The following BUB1 variants were observed in gnomAD, a reference collection of about 807,000 sequenced individuals.
The protein encoded by BUB1 is BUB1 mitotic checkpoint serine/threonine kinase.
Under a neutral mutation model 135.2 loss-of-function variants are expected in BUB1, and 84 were observed. That is an observed-to-expected ratio of 0.62 (90% confidence interval 0.52 to 0.74). The LOEUF (loss-of-function observed/expected upper bound fraction) is 0.74, where lower values mean the gene tolerates loss of function less well. BUB1 is among the 30% of genes least tolerant of loss of function. BUB1 has a pLI of 0.00. For missense variants in BUB1, 1,162 were observed against 1,288.3 expected (o/e 0.90, Z 1.50); for synonymous variants, 403 against 434.4 (o/e 0.93, Z 0.90).
chr2:110,650,183 G>GT lies in BUB1; in HGVS notation c.2203+362dup, dbSNP rs991598369. Reference sequence around the variant, plus strand: ...GTGCTCTTAACCACTATGCCAGACTGTTTATGTGTAACAAGGGGGTGGGCG... The same window carrying GT: ...GTGCTCTTAACCACTATGCCAGACTGTTTTATGTGTAACAAGGGGGTGGGCG... On this transcript the variant is annotated intron_variant, in intron 18 of 24. Transcript: ENST00000302759. Among the ~76,000 whole-genome samples, 5 of 96,052 alleles carry GT rather than the reference G, an allele frequency of 5.2e-5. No homozygotes were observed. In the Admixed American group the frequency reaches 7.0e-4, roughly 13 times the overall value. 63.0% of individuals were successfully genotyped at this position (96,052 alleles called of 152,430 possible). A position where few individuals can be genotyped will look rare whatever the true frequency, so the allele number is the denominator to read the frequency against.
chr2:110,669,293 G>C (rs1488175753), intron 6 of BUB1, among the ~76,000 whole-genome samples, 160 bp downstream of exon 6: 1 of 152,136 alleles, frequency 6.6e-6, no homozygotes, highest in Non-Finnish European at 1.5e-5. Flanking sequence ...AGAATAACAG[G>C]CCCAGGAAGT....
At chr2:110,657,889 C>G (rs182973352) in intron 13 of BUB1, among the ~76,000 whole-genome samples, 129 of 152,336 alleles carry the variant, frequency 8.5e-4, no homozygotes, top group African/African-American at 2.9e-3. Context: ...GTTAATCATT[C>G]TCCTAAATCA....
At chr2:110,674,639 T>A (rs1690523105) in intron 1 of BUB1, among the ~76,000 whole-genome samples, 1 of 151,696 alleles carries the variant, frequency 6.6e-6, no homozygotes, top group African/African-American at 2.4e-5. Flanking sequence ...TCCCCAAGAG[T>A]CTCCTTCTCC....
At chr2:110,667,393 T>C (rs1046562849) in intron 8 of BUB1, 128 bp downstream of exon 8, 7 of 1,018,822 alleles carry the variant, frequency 6.9e-6, no homozygotes, top group South Asian at 5.6e-5. Context: ...GGGCTTCTGA[T>C]AGGATGAGAT....
intron 9 of BUB1, chr2:110,665,873 C>G (rs997750842): frequency 6.4e-6 from 1 of 157,054 alleles, no homozygotes; most frequent in African/African-American, 2.4e-5. Context: ...ATATGTGGCT[C>G]TAACACACTC....
Position 110,657,123 on chromosome 2 carries a change from G to T in BUB1, c.1617-6C>A, listed in dbSNP as rs769473879. The T allele has an allele frequency of 5.6e-6, 9 of 1,607,332 alleles. No individual in the cohort carries two copies. The South Asian group carries it at 1.0e-4, about 18-fold the overall frequency. On this transcript the variant is annotated splice_region_variant and splice_polypyrimidine_tract_variant and intron_variant, in intron 14 of 24. Transcript: ENST00000302759. ...TATTTTTAGGCTGTGGTAATCTAAGGAAAGATTTGCTAAATTATAAATAGT... is the reference window on the plus strand; with the variant it reads ...TATTTTTAGGCTGTGGTAATCTAAGTAAAGATTTGCTAAATTATAAATAGT...
chr2:110,641,309 G>C lies in BUB1; in HGVS notation c.2781C>G (p.Asn927Lys), dbSNP rs546139108. The change falls in exon 22 of 25, where the codon AAC becomes AAG. Residue 927 changes from asparagine (N) to lysine (K), a missense_variant and splice_region_variant. Coordinates refer to ENST00000302759, the MANE Select transcript of BUB1 (RefSeq NM_004336.5). ...CCTGTTAAAAGCATAACACTTGCCC[G>C]TTTCCAAGTATGAAATTGTCTGGTT... ...DIKPDNFILG[N>K]GFLEQDDEDD... is the part of the protein sequence containing the mutation. 1 of 1,604,922 alleles carries C rather than the reference G, an allele frequency of 6.2e-7. No homozygotes were observed. Among genetic ancestry groups the C allele is most frequent in the Non-Finnish European group, 8.5e-7 (1 of 1,175,352 alleles).
intron 13 of BUB1, 60 bp from the exon 14 acceptor site, chr2:110,657,705 T>C: frequency 8.2e-7 from 1 of 1,225,828 alleles, no homozygotes. Context: ...TCCTTTATAT[T>C]AAACTTCAAC....
chr2:110,645,773 G>C (rs1337655609), intron 19 of BUB1, among the ~76,000 whole-genome samples: 1 of 151,984 alleles, frequency 6.6e-6, no homozygotes, highest in African/African-American at 2.4e-5. Flanking sequence ...TCAATGCATT[G>C]TCCAGACTTG....
chr2:110,647,273 TGAAC>T (rs1180181639), intron 19 of BUB1, among the ~76,000 whole-genome samples: 1 of 152,112 alleles, frequency 6.6e-6, no homozygotes, highest in Non-Finnish European at 1.5e-5. Context: ...GTACCTCTCA[TGAAC>T]ACGGATACAA....
Position 110,678,009 on chromosome 2 carries a change from T to C in BUB1, c.-14A>G, listed in dbSNP as rs997101376. 6 of 1,604,062 alleles carry C rather than the reference T, an allele frequency of 3.7e-6. No homozygotes were observed. The highest frequency in any genetic ancestry group is 2.2e-5 in the South Asian group (2 of 89,588). ...CGGGGTGTCCATGGCCAGAGGACGC[T>C]GGCCGGCAGCGGCCAAACCTGAACC... On this transcript the variant is annotated 5_prime_UTR_variant, in exon 1 of 25. Coordinates refer to ENST00000302759, the MANE Select transcript of BUB1 (RefSeq NM_004336.5).
At chr2:110,658,836 T>C (rs866894720) in intron 11 of BUB1, 94 bp from the exon 12 acceptor site, 69 of 1,473,714 alleles carry the variant, frequency 4.7e-5, no homozygotes, top group Middle Eastern at 1.7e-4. Context: ...TTAAAACAGT[T>C]TGTCATTGTT....
In BUB1 at chr2:110,658,430, G is replaced by A. The variant is rs772080082; in HGVS notation, c.1496C>T (p.Ala499Val). Residue 499 changes from alanine to valine, a missense_variant, in exon 13 of 25, where the codon GCA becomes GTA. Transcript: ENST00000302759. Reference protein sequence around the residue: ...EWQSLDQNEDAFEAQFQKNVR... With the variant: ...EWQSLDQNEDVFEAQFQKNVR... ...ATTACTTTGAAACTGGGCTTCAAATGCATCTTCATTTTGATCTAGAGATTG... is the reference window on the plus strand; with the variant it reads ...ATTACTTTGAAACTGGGCTTCAAATACATCTTCATTTTGATCTAGAGATTG... The A allele has an allele frequency of 8.1e-6, 13 of 1,613,262 alleles. No homozygotes were observed. The highest frequency in any genetic ancestry group is 1.7e-4 in the Middle Eastern group (1 of 6,018).
At position 110,669,596 on chromosome 2, in the gene BUB1, A is replaced by C. The variant is rs1242781790; in HGVS notation, c.467-43T>G. 3 of 1,277,080 alleles carry C rather than the reference A, an allele frequency of 2.3e-6. No individual in the cohort carries two copies. The East Asian group carries it at 6.9e-5, about 30-fold the overall frequency. 79.1% of individuals were successfully genotyped at this position (1,277,080 alleles called of 1,614,324 possible). A position where few individuals can be genotyped will look rare whatever the true frequency, so the allele number is the denominator to read the frequency against. On this transcript the variant is annotated intron_variant, in intron 5 of 24. Transcript: ENST00000302759. Reference sequence around the variant, plus strand: ...ATAAAATACGGAGAAATTAAGGGTAAAACCGTAAGTAAAATTATCACATAA... The same window carrying C: ...ATAAAATACGGAGAAATTAAGGGTACAACCGTAAGTAAAATTATCACATAA...
intron 19 of BUB1, among the ~76,000 whole-genome samples, chr2:110,647,953 A>G (rs759389281): frequency 6.6e-6 from 1 of 152,200 alleles, no homozygotes; most frequent in Non-Finnish European, 1.5e-5. Context: ...GTTGGTGGGA[A>G]TGCTAAATGG....
chr2:110,674,178 A>G lies in BUB1; in HGVS notation c.133T>C (p.Leu45=), dbSNP rs1332508489. 2 of 1,595,012 alleles carry G rather than the reference A, an allele frequency of 1.3e-6. No homozygotes were observed. The highest frequency in any genetic ancestry group is 4.5e-5 in the East Asian group (2 of 44,746). The change falls in exon 3 of 25, where the codon TTG becomes CTG. Residue 45 remains leucine (L), a synonymous_variant. Coordinates refer to ENST00000302759, the MANE Select transcript of BUB1 (RefSeq NM_004336.5). ...ATTAAATGTTCTAGTAAAGTTATCA[A>G]GTATTCTTTATTCTCAGGAAAATTC... ...EENFPENKEY[L]ITLLEHLMKE...
At chr2:110,669,314 G>T in intron 6 of BUB1, 139 bp downstream of exon 6, 1 of 641,830 alleles carries the variant, frequency 1.6e-6, no homozygotes, top group South Asian at 1.8e-5. Flanking sequence ...TGCCACAGGA[G>T]CAGGTGGCTG....
intron 3 of BUB1, 55 bp from the exon 4 acceptor site, chr2:110,672,912 C>A (rs774955157): frequency 6.8e-6 from 10 of 1,480,456 alleles, no homozygotes; most frequent in Non-Finnish European, 9.0e-6. Flanking sequence ...TAGTCTATGT[C>A]TGGTGAGGAG....
chr2:110,649,193 G>A, intron 19 of BUB1, 41 bp downstream of exon 19: 2 of 1,575,172 alleles, frequency 1.3e-6, no homozygotes, highest in Non-Finnish European at 1.7e-6. Context: ...TTCTCATAGA[G>A]AAACAAGAAT....
Sources: allele counts gnomAD v4.1 joint callset (sites outside exome capture counted in the v4.1 genomes callset), GRCh38; gene constraint gnomAD v4.1.1; transcripts MANE v1.5; gene names NCBI Gene and HGNC (gene_info 2026-07-23, HGNC 2026-07-21).